ZMIZ1: variants seen among roughly 807,000 people sequenced by gnomAD.
ZMIZ1 encodes zinc finger MIZ domain-containing protein 1.
A neutral mutation model predicts 113.9 loss-of-function variants in ZMIZ1; 17 were observed. The observed-to-expected ratio is 0.15, with a 90% CI of 0.10 to 0.22. The LOEUF (loss-of-function observed/expected upper bound fraction) is 0.22. Among genes scored for constraint, ZMIZ1 ranks in the 10% least tolerant of loss-of-function variants. ZMIZ1 has a pLI of 1.00. For missense variants in ZMIZ1, 1,059 were observed against 1,477.8 expected, an observed-to-expected ratio of 0.72 and a Z score of 4.65; for synonymous variants, 607 against 603.1, an observed-to-expected ratio of 1.01 and a Z score of -0.09.
Position 79,167,117 on chromosome 10 carries a change from C to G in ZMIZ1, c.-50+4984C>G, listed in dbSNP as rs538065558. Among the ~76,000 whole-genome samples the G allele has an allele frequency of 2.0e-5, 3 of 152,374 alleles. No homozygotes were observed. In the South Asian group the frequency reaches 6.2e-4, roughly 32 times the overall value. ...CTCGGAAGCCTTCCTCAGGCCACAC[C>G]TGTGCCTCCTGGAGGCCCCAGTAGC... On this transcript the variant is annotated intron_variant, in intron 4 of 24. Transcript: ENST00000334512.
intron 4 of ZMIZ1, among the ~76,000 whole-genome samples, chr10:79,171,590 A>C (rs752682743): frequency 6.6e-6 from 1 of 152,242 alleles, no homozygotes; most frequent in African/African-American, 2.4e-5. Context: ...TGTGCCAGCC[A>C]CAGGGGAGCT....
intron 7 of ZMIZ1, among the ~76,000 whole-genome samples, chr10:79,271,871 C>T (rs954161214): frequency 6.6e-6 from 1 of 152,166 alleles, no homozygotes; most frequent in Admixed American, 6.5e-5. Context: ...CTGGAAGGCT[C>T]TTTCTTGCCT....
chr10:79,279,992 CTT>C (rs113546164), intron 8 of ZMIZ1, among the ~76,000 whole-genome samples: 11 of 139,308 alleles, frequency 7.9e-5, no homozygotes, highest in Admixed American at 7.1e-5. Flanking sequence ...ATTATTATTA[CTT>C]TTTTTTTTTT....
intron 7 of ZMIZ1, among the ~76,000 whole-genome samples, chr10:79,217,755 G>C (rs1848797978): frequency 6.6e-6 from 1 of 152,200 alleles, no homozygotes; most frequent in Non-Finnish European, 1.5e-5. Context: ...ACATAGATGT[G>C]TGGTGGCCTC....
chr10:79,179,516 C>G (rs1165192307), intron 4 of ZMIZ1, among the ~76,000 whole-genome samples: 1 of 152,256 alleles, frequency 6.6e-6, no homozygotes, highest in African/African-American at 2.4e-5. Context: ...GGCAAAGAGG[C>G]CTGCCATCTA....
intron 23 of ZMIZ1, among the ~76,000 whole-genome samples, chr10:79,310,288 TGCCCACCCA>T (rs1442472101): frequency 2.0e-5 from 3 of 152,126 alleles, no homozygotes; most frequent in Admixed American, 6.5e-5. Flanking sequence ...GCTGGCCAGG[TGCCCACCCA>T]GCCCTGCTCC....
chr10:79,261,797 A>G (rs971966850), intron 7 of ZMIZ1, among the ~76,000 whole-genome samples: 1 of 152,224 alleles, frequency 6.6e-6, no homozygotes, highest in Non-Finnish European at 1.5e-5. Flanking sequence ...GCCACTGTCA[A>G]GGTTACCTTG....
At chr10:79,187,449 C>G (rs769142823) in intron 4 of ZMIZ1, among the ~76,000 whole-genome samples, 3 of 152,246 alleles carry the variant, frequency 2.0e-5, no homozygotes, top group Non-Finnish European at 4.4e-5. Context: ...GGTTCCTCTT[C>G]TGTGAAGTCT....
intron 2 of ZMIZ1, among the ~76,000 whole-genome samples, chr10:79,134,069 T>C (rs1419856041): frequency 6.6e-6 from 1 of 152,124 alleles, no homozygotes; most frequent in African/African-American, 2.4e-5. Context: ...CTCTCTCCCA[T>C]TTGTACCCCG....
chr10:79,293,348 C>A, intron 11 of ZMIZ1, 33 bp from the exon 12 acceptor site: 1 of 1,387,298 alleles, frequency 7.2e-7, no homozygotes, highest in Non-Finnish European at 9.5e-7. Context: ...TTTTTTTTTT[C>A]TTCTCCCGTT....
intron 8 of ZMIZ1, among the ~76,000 whole-genome samples, chr10:79,278,206 G>A (rs1852428624): frequency 6.6e-6 from 1 of 152,148 alleles, no homozygotes; most frequent in Non-Finnish European, 1.5e-5. Flanking sequence ...CATGTCCAGT[G>A]CCCTCCCTGG....
At chr10:79,192,882 G>T (rs1456240627) in intron 4 of ZMIZ1, among the ~76,000 whole-genome samples, 1 of 152,170 alleles carries the variant, frequency 6.6e-6, no homozygotes, top group Non-Finnish European at 1.5e-5. Context: ...GCTAAGAGCT[G>T]GAAGCAGCTG....
At chr10:79,283,356 C>T (rs964043757) in intron 8 of ZMIZ1, among the ~76,000 whole-genome samples, 4 of 152,150 alleles carry the variant, frequency 2.6e-5, no homozygotes, top group Admixed American at 6.5e-5. Flanking sequence ...CCTTGTGCCT[C>T]GGTTTCCTCA....
intron 1 of ZMIZ1, among the ~76,000 whole-genome samples, chr10:79,084,925 C>A (rs114331387): frequency 6.6e-6 from 1 of 152,066 alleles, no homozygotes; most frequent in Non-Finnish European, 1.5e-5. Context: ...TAATCCAGGC[C>A]GGCTCACTCT....
At position 79,216,267 on chromosome 10, in the gene ZMIZ1, G is replaced by A; in HGVS notation, c.273G>A (p.Lys91=). The change falls in exon 7 of 25, where the codon AAG becomes AAA. Residue 91 remains lysine (K), a synonymous_variant. Transcript: ENST00000334512. ...CAAACCGAGACAAGTTCACCCCGAA[G>A]TCTGCCGGTAGGTGTCCGTGGGGGA... The part of the protein sequence containing the change: ...CAANRDKFTP[K]SAALLSSWCE... The A allele has an allele frequency of 6.3e-7, 1 of 1,590,586 alleles. No individual in the cohort carries two copies. The highest frequency in any genetic ancestry group is 8.6e-7 in the Non-Finnish European group (1 of 1,168,476).
intron 2 of ZMIZ1, among the ~76,000 whole-genome samples, chr10:79,129,766 C>T (rs576889117): frequency 2.0e-5 from 3 of 152,314 alleles, no homozygotes; most frequent in Admixed American, 6.5e-5. Context: ...GAGGGCAGAG[C>T]GAGCCCCTGC....
chr10:79,298,268 AG>A, intron 14 of ZMIZ1, 137 bp from the exon 15 acceptor site: 1 of 967,612 alleles, frequency 1.0e-6, no homozygotes, highest in Non-Finnish European at 1.5e-6. Context: ...GCGAGAGAGA[AG>A]AGTTTCCCTG....
chr10:79,276,378 C>A (rs1852290633), intron 7 of ZMIZ1, among the ~76,000 whole-genome samples: 1 of 152,174 alleles, frequency 6.6e-6, no homozygotes, highest in Non-Finnish European at 1.5e-5. Context: ...CACGTGGGGA[C>A]AGTGAACAGT....
intron 3 of ZMIZ1, among the ~76,000 whole-genome samples, chr10:79,147,971 C>T (rs1334986227): frequency 2.0e-5 from 3 of 152,210 alleles, no homozygotes; most frequent in African/African-American, 7.2e-5. Context: ...TGGGGCCTCC[C>T]CAGGCCTTCA....
Sources: gnomAD v4.1 joint callset for allele counts (sites outside exome capture counted in the v4.1 genomes callset) on GRCh38, gnomAD v4.1.1 for gene constraint, MANE v1.5 for transcripts, NCBI Gene and HGNC (gene_info 2026-07-23, HGNC 2026-07-21) for gene names.